SRP72: variants seen among roughly 807,000 people sequenced by gnomAD.
SRP72 encodes the protein signal recognition particle 72, also known as signal recognition particle subunit SRP72.
A neutral mutation model predicts 96.3 loss-of-function variants in SRP72; 49 were observed. The observed-to-expected ratio is 0.51, with a 90% CI of 0.40 to 0.65. The LOEUF is 0.65. Among genes scored for constraint, SRP72 ranks in the 30% least tolerant of loss-of-function variants. SRP72 has a pLI of 0.00. For missense variants in SRP72, 736 were observed against 793.3 expected (o/e 0.93, Z 0.87); for synonymous variants, 267 against 275.2 (o/e 0.97, Z 0.30).
Position 56,467,635 on chromosome 4 carries a change from G to A in SRP72, c.-1G>A. 1.3e-6 allele frequency: 2 copies of A among 1,559,296 alleles called. No homozygotes were observed. The highest frequency in any genetic ancestry group is 8.7e-7 in the Non-Finnish European group (1 of 1,154,206). On this transcript the variant is annotated 5_prime_UTR_variant, in exon 1 of 19. Coordinates refer to ENST00000642900, the MANE Select transcript of SRP72 (RefSeq NM_006947.4). ...CCGCCCCGCCCCTCGTCTCCTCCAA[G>A]ATGGCGAGCGGCGGCAGCGGGGGGG...
At position 56,487,931 on chromosome 4, in the gene SRP72, T is replaced by G; in HGVS notation, c.1160-18T>G. 6.4e-7 allele frequency: 1 copy of G among 1,571,390 alleles called. No homozygotes were observed. Among genetic ancestry groups the G allele is most frequent in the Non-Finnish European group, 8.6e-7 (1 of 1,158,040 alleles). On this transcript the variant is annotated intron_variant, in intron 11 of 18. Coordinates refer to ENST00000642900, the MANE Select transcript of SRP72 (RefSeq NM_006947.4). Reference sequence around the variant, plus strand: ...ATGTGTTCTTCTATGTAATGCTGATTTTGTTTATTCTCCTAAGGTAATATT... The same window carrying G: ...ATGTGTTCTTCTATGTAATGCTGATGTTGTTTATTCTCCTAAGGTAATATT...
At chr4:56,495,313 TA>T in intron 16 of SRP72, 43 bp from the exon 17 acceptor site, 1 of 1,368,212 alleles carries the variant, frequency 7.3e-7, no homozygotes, top group Non-Finnish European at 1.0e-6. Flanking sequence ...GCTCTATAAA[TA>T]TTTTATCACA....
chr4:56,501,619 C>T (rs193175593), intron 18 of SRP72, 65 bp from the exon 19 acceptor site: 289 of 1,423,524 alleles, frequency 2.0e-4, no homozygotes, highest in Admixed American at 7.3e-4. Flanking sequence ...AACCCATGTA[C>T]ATACATTTTT....
At chr4:56,469,901 C>A in intron 2 of SRP72, 128 bp downstream of exon 2, 1 of 850,008 alleles carries the variant, frequency 1.2e-6, no homozygotes, top group Non-Finnish European at 1.7e-6. Context: ...TTTTTCCCCC[C>A]TTTTGCTTGT....
At chr4:56,476,587 G>A (rs879335937) in intron 5 of SRP72, 84 bp from the exon 6 acceptor site, 102 of 1,425,914 alleles carry the variant, frequency 7.2e-5, no homozygotes, top group Middle Eastern at 1.9e-4. Flanking sequence ...TTCTGCTTAG[G>A]AATTTAGATC....
At chr4:56,481,383 C>G (rs929908624) in intron 8 of SRP72, among the ~76,000 whole-genome samples, 2 of 152,140 alleles carry the variant, frequency 1.3e-5, no homozygotes, top group African/African-American at 4.8e-5. Context: ...TTGTGCTTCT[C>G]AGGATGCAAT....
At chr4:56,482,373 G>A (rs562490011) in intron 8 of SRP72, among the ~76,000 whole-genome samples, 52 of 151,720 alleles carry the variant, frequency 3.4e-4, no homozygotes, top group Middle Eastern at 3.4e-3. Context: ...GCGTGAACCC[G>A]TGAGGCGGAG....
chr4:56,485,226 G>A (rs1720658235), intron 10 of SRP72, among the ~76,000 whole-genome samples: 1 of 151,828 alleles, frequency 6.6e-6, no homozygotes. Flanking sequence ...CTCAATTATG[G>A]AGATACTGAC....
chr4:56,481,900 G>A (rs1478868584), intron 8 of SRP72, among the ~76,000 whole-genome samples: 1 of 151,016 alleles, frequency 6.6e-6, no homozygotes, highest in Admixed American at 6.6e-5. Context: ...TGAGTAGCTG[G>A]GACTAGCGTG....
chr4:56,493,210 G>A (rs1216607093), intron 16 of SRP72, among the ~76,000 whole-genome samples: 1 of 151,598 alleles, frequency 6.6e-6, no homozygotes, highest in African/African-American at 2.4e-5. Context: ...GCTAATTTTT[G>A]TATTTTTAGT....
intron 3 of SRP72, 56 bp from the exon 4 acceptor site, chr4:56,473,998 T>C (rs1279226035): frequency 1.3e-5 from 21 of 1,556,288 alleles, no homozygotes; most frequent in East Asian, 2.2e-5. Flanking sequence ...TTGCATGATA[T>C]TAAAGACATA....
intron 16 of SRP72, among the ~76,000 whole-genome samples, chr4:56,492,981 A>G (rs1720958580): frequency 6.6e-6 from 1 of 152,100 alleles, no homozygotes; most frequent in East Asian, 1.9e-4. Context: ...CAAGACCCCC[A>G]TCTCTAAAAA....
At chr4:56,491,764 A>T in intron 16 of SRP72, 196 bp downstream of exon 16, 1 of 456,482 alleles carries the variant, frequency 2.2e-6, no homozygotes, top group Admixed American at 3.9e-5. Context: ...TCTGGTATTA[A>T]TTTAATCTAT....
chr4:56,469,281 T>C (rs765859179), intron 1 of SRP72, among the ~76,000 whole-genome samples: 22 of 152,334 alleles, frequency 1.4e-4, no homozygotes, highest in Middle Eastern at 3.4e-3. Flanking sequence ...AAATTCTACC[T>C]GAACTTTTTC....
chr4:56,486,121 A>G (rs1720700814), intron 10 of SRP72: 1 of 453,848 alleles, frequency 2.2e-6, no homozygotes, highest in Non-Finnish European at 4.0e-6. Context: ...ACTTGACTTC[A>G]TTGCACTTAC....
intron 17 of SRP72, among the ~76,000 whole-genome samples, chr4:56,498,281 A>G (rs1280537921): frequency 6.6e-6 from 1 of 152,094 alleles, no homozygotes; most frequent in Non-Finnish European, 1.5e-5. Flanking sequence ...ATCTCAAAAT[A>G]ATAATAACTA....
intron 9 of SRP72, among the ~76,000 whole-genome samples, chr4:56,483,897 A>G (rs1720599017): frequency 6.6e-6 from 1 of 152,016 alleles, no homozygotes; most frequent in African/African-American, 2.4e-5. Flanking sequence ...CCCATCTTTC[A>G]TTTTTGCTGT....
intron 1 of SRP72, among the ~76,000 whole-genome samples, chr4:56,469,046 A>T (rs1719862833): frequency 6.6e-6 from 1 of 152,150 alleles, no homozygotes; most frequent in African/African-American, 2.4e-5. Context: ...GGGAAATTTT[A>T]ATGATTTTTG....
Position 56,490,328 on chromosome 4 carries a change from T to C in SRP72, c.1321-5T>C, listed in dbSNP as rs753969251. On this transcript the variant is annotated splice_region_variant and splice_polypyrimidine_tract_variant and intron_variant, in intron 13 of 18. Coordinates refer to ENST00000642900, the MANE Select transcript of SRP72 (RefSeq NM_006947.4). ...ACTTTTTTTTTCTTTTTATTGAAACTGTAGCCAAAATCTCCTGCTCATTTG... is the reference window on the plus strand; with the variant it reads ...ACTTTTTTTTTCTTTTTATTGAAACCGTAGCCAAAATCTCCTGCTCATTTG... 4 of 1,605,572 alleles carry C rather than the reference T, an allele frequency of 2.5e-6. No individual in the cohort carries two copies. In the South Asian group the frequency reaches 3.4e-5, roughly 14 times the overall value.
Sources: gnomAD v4.1 joint callset for allele counts (sites outside exome capture counted in the v4.1 genomes callset) on GRCh38, gnomAD v4.1.1 for gene constraint, MANE v1.5 for transcripts, NCBI Gene and HGNC (gene_info 2026-07-23, HGNC 2026-07-21) for gene names.